The following FAF1 variants were observed in gnomAD, a reference collection of about 807,000 sequenced individuals.
The protein encoded by FAF1 is FAS-associated factor 1.
In FAF1, 25 loss-of-function variants were observed where a neutral mutation model predicts 92.5. The observed-to-expected ratio is 0.27, with a 90% CI of 0.20 to 0.38. The LOEUF (loss-of-function observed/expected upper bound fraction) is 0.38. Among genes scored for constraint, FAF1 ranks in the 10% least tolerant of loss-of-function variants. The probability of loss-of-function intolerance (pLI) is 1.00; values close to 1 mark genes in which losing one functional copy is unlikely to be tolerated. For missense variants in FAF1, 636 were observed against 793.3 expected, an observed-to-expected ratio of 0.80 and a Z score of 2.38; for synonymous variants, 234 against 273.2, an observed-to-expected ratio of 0.86 and a Z score of 1.42.
At chr1:50,709,187 A>C (rs1436613029) in intron 6 of FAF1, among the ~76,000 whole-genome samples, 1 of 152,096 alleles carries the variant, frequency 6.6e-6, no homozygotes, top group Non-Finnish European at 1.5e-5. Context: ...TATTGTTCTC[A>C]TCCTCCTTTC....
intron 2 of FAF1, among the ~76,000 whole-genome samples, chr1:50,820,910 T>A (rs962073599): frequency 1.3e-5 from 2 of 152,182 alleles, no homozygotes; most frequent in African/African-American, 4.8e-5. Flanking sequence ...TTGATGAACA[T>A]TTAGGTTGTT....
At chr1:50,762,412 A>G (rs1246005393) in intron 4 of FAF1, among the ~76,000 whole-genome samples, 1 of 152,042 alleles carries the variant, frequency 6.6e-6, no homozygotes, top group Non-Finnish European at 1.5e-5. Context: ...ACAAAGCTGG[A>G]GGCATCACAC....
At chr1:50,810,223 C>A (rs898960594) in intron 2 of FAF1, among the ~76,000 whole-genome samples, 3 of 152,028 alleles carry the variant, frequency 2.0e-5, no homozygotes, top group Non-Finnish European at 4.4e-5. Context: ...CCATTGCACT[C>A]CAGCCTGGGC....
chr1:50,775,012 G>A (rs894581670), intron 4 of FAF1, among the ~76,000 whole-genome samples: 1 of 152,050 alleles, frequency 6.6e-6, no homozygotes, highest in Non-Finnish European at 1.5e-5. Context: ...TTCAAACCTT[G>A]TTGCATCTTC....
intron 15 of FAF1, among the ~76,000 whole-genome samples, chr1:50,506,365 C>T (rs1245417986): frequency 6.6e-6 from 1 of 152,196 alleles, no homozygotes; most frequent in Non-Finnish European, 1.5e-5. Context: ...CAAGCCCTCT[C>T]ACAATTCTCA....
At position 50,832,617 on chromosome 1, in the gene FAF1, C is replaced by T. The variant is rs12078213; in HGVS notation, c.114+25312G>A. Among the ~76,000 whole-genome samples, 1,500 of 152,188 alleles carry T rather than the reference C, an allele frequency of 9.9e-3. 23 individuals are homozygous for T. Among genetic ancestry groups the T allele is most frequent in the African/African-American group, 0.034 (1,423 of 41,520 alleles). ...GTGTTAAGTCCAAGTGAAGAAAATC[C>T]TCAAAACCAAAACTTTACAACCTTG... is the stretch of plus-strand genomic sequence containing the variant. On this transcript the variant is annotated intron_variant, in intron 2 of 18. Coordinates refer to ENST00000396153, the MANE Select transcript of FAF1 (RefSeq NM_007051.3).
chr1:50,705,722 T>G, intron 7 of FAF1, 64 bp downstream of exon 7: 1 of 906,112 alleles, frequency 1.1e-6, no homozygotes, highest in South Asian at 1.4e-5. Context: ...TAAGCCCTCT[T>G]TAACAGGGTC....
intron 4 of FAF1, among the ~76,000 whole-genome samples, chr1:50,750,734 C>A (rs897619062): frequency 1.3e-5 from 2 of 151,286 alleles, no homozygotes; most frequent in African/African-American, 4.9e-5. Context: ...AGTGATTTTC[C>A]TGCCTCTGCC....
rs77304278 is a variant in FAF1, at chr1:50,583,374, T to C, written c.1031+278A>G. ...AGATATACTAAAAATTACTATCCTA[T>C]ATCCTAGTCCTTTGGGAATATAATA... On this transcript the variant is annotated intron_variant, in intron 11 of 18. Transcript: ENST00000396153. The surrounding 1 kb of genome is among the most constrained non-coding windows in gnomAD (Gnocchi z 4.2). Among the ~76,000 whole-genome samples, 426 of 152,082 alleles carry C rather than the reference T, an allele frequency of 2.8e-3. 1 individual carries two copies. Among genetic ancestry groups the C allele is most frequent in the Admixed American group, 6.5e-3 (99 of 15,280 alleles).
intron 8 of FAF1, chr1:50,612,302 C>A: frequency 8.8e-7 from 1 of 1,131,760 alleles, no homozygotes; most frequent in South Asian, 1.4e-5. Context: ...AAGACGAAAT[C>A]TTCAGTTACA....
At chr1:50,445,477 T>C (rs376656703) in intron 18 of FAF1, among the ~76,000 whole-genome samples, 1 of 152,204 alleles carries the variant, frequency 6.6e-6, no homozygotes, top group Non-Finnish European at 1.5e-5. Flanking sequence ...GAGTAGTTTC[T>C]ATATAGAGAA....
intron 13 of FAF1, among the ~76,000 whole-genome samples, chr1:50,552,690 T>C (rs1011371346): frequency 6.6e-6 from 1 of 152,106 alleles, no homozygotes; most frequent in Non-Finnish European, 1.5e-5. Flanking sequence ...ATAGACAGGA[T>C]AGAAAAATGG....
chr1:50,726,681 T>C (rs1658671744), intron 6 of FAF1, among the ~76,000 whole-genome samples: 1 of 152,000 alleles, frequency 6.6e-6, no homozygotes, highest in South Asian at 2.1e-4. Flanking sequence ...TACAAAAAAT[T>C]ATCTGGGCGT....
At chr1:50,739,331 T>C (rs1356014083) in intron 5 of FAF1, among the ~76,000 whole-genome samples, 1 of 152,144 alleles carries the variant, frequency 6.6e-6, no homozygotes, top group African/African-American at 2.4e-5. Flanking sequence ...TGTACATGTG[T>C]ACACGTACAT....
At position 50,583,685 on chromosome 1, in the gene FAF1, G is replaced by C; in HGVS notation, c.998C>G (p.Ala333Gly). Residue 333 changes from alanine to glycine, a missense_variant, in exon 11 of 19, where the codon GCC becomes GGC. Transcript: ENST00000396153. The surrounding 1 kb of genome is among the most constrained non-coding windows in gnomAD (Gnocchi z 4.2). ...AAACTCTGCTGTAAATTGTAATAAGGCATCTCCTTCATTTTCTGCGTTTTC... is the reference window on the plus strand; with the variant it reads ...AAACTCTGCTGTAAATTGTAATAAGCCATCTCCTTCATTTTCTGCGTTTTC... ...MPENAENEGD[A>G]LLQFTAEFSS... 2 of 1,574,736 alleles carry C rather than the reference G, an allele frequency of 1.3e-6. No homozygotes were observed. Among genetic ancestry groups the C allele is most frequent in the Non-Finnish European group, 1.7e-6 (2 of 1,157,174 alleles).
chr1:50,454,266 AAT>A (rs1256445048), intron 18 of FAF1, among the ~76,000 whole-genome samples: 1 of 152,132 alleles, frequency 6.6e-6, no homozygotes, highest in Non-Finnish European at 1.5e-5. Context: ...CTATTCCTCA[AAT>A]ATGTCTTGTG....
chr1:50,509,347 C>G (rs1452092896), intron 15 of FAF1, among the ~76,000 whole-genome samples: 2 of 152,178 alleles, frequency 1.3e-5, no homozygotes, highest in African/African-American at 4.8e-5. Context: ...CACAGCATCT[C>G]ATGTCTGTAA....
At chr1:50,729,544 T>C (rs1488829557) in intron 6 of FAF1, among the ~76,000 whole-genome samples, 2 of 151,768 alleles carry the variant, frequency 1.3e-5, no homozygotes, top group Non-Finnish European at 2.9e-5. Context: ...GTAGCTGTGA[T>C]TACAGGCATG....
intron 7 of FAF1, among the ~76,000 whole-genome samples, chr1:50,703,945 A>G (rs1236116408): frequency 6.6e-6 from 1 of 152,204 alleles, no homozygotes; most frequent in Non-Finnish European, 1.5e-5. Flanking sequence ...GGCCAACTCG[A>G]TTTCGGAAAT....
Sources: gnomAD v4.1 joint callset for allele counts (sites outside exome capture counted in the v4.1 genomes callset) on GRCh38, gnomAD v4.1.1 for gene constraint, Gnocchi (gnomAD v3.1) non-coding constraint, MANE v1.5 for transcripts, NCBI Gene and HGNC (gene_info 2026-07-23, HGNC 2026-07-21) for gene names.